The following GALNT18 variants were observed in gnomAD, a reference collection of about 807,000 sequenced individuals.
GALNT18 encodes polypeptide N-acetylgalactosaminyltransferase 18.
GALNT18 carries 44 observed loss-of-function variants against 69.5 expected under a neutral mutation model. The ratio of observed to expected loss-of-function variants is 0.63; its 90% CI spans 0.50 to 0.81. The LOEUF is 0.81. Ranked by LOEUF, GALNT18 falls within the 40% of genes least tolerant of loss-of-function variation. GALNT18 has a pLI of 0.00. For missense variants in GALNT18, 715 were observed against 810.0 expected, an observed-to-expected ratio of 0.88 and a Z score of 1.42; for synonymous variants, 364 against 318.2, an observed-to-expected ratio of 1.14 and a Z score of -1.53.
chr11:11,357,469 C>T (rs1378009808), intron 6 of GALNT18, among the ~76,000 whole-genome samples: 1 of 152,208 alleles, frequency 6.6e-6, no homozygotes, highest in East Asian at 1.9e-4. Flanking sequence ...TCAATCTCCA[C>T]CCACTCCCTC....
chr11:11,271,621 C>T (rs978735101), intron 10 of GALNT18, among the ~76,000 whole-genome samples: 1 of 152,218 alleles, frequency 6.6e-6, no homozygotes, highest in African/African-American at 2.4e-5. Flanking sequence ...GGTCCTTTCT[C>T]TGAAAAGCCT....
At chr11:11,462,535 C>T (rs1161420791) in intron 1 of GALNT18, among the ~76,000 whole-genome samples, 1 of 152,072 alleles carries the variant, frequency 6.6e-6, no homozygotes, top group Non-Finnish European at 1.5e-5. Flanking sequence ...TCAAGTGATC[C>T]ACCCGCCTCA....
chr11:11,438,914 T>A (rs1316497484), intron 2 of GALNT18, among the ~76,000 whole-genome samples: 1 of 152,152 alleles, frequency 6.6e-6, no homozygotes, highest in Admixed American at 6.5e-5. Context: ...TCCCGGTGAC[T>A]CCTTGCACCG....
intron 6 of GALNT18, among the ~76,000 whole-genome samples, chr11:11,344,303 C>T (rs1850262522): frequency 6.6e-6 from 1 of 152,122 alleles, no homozygotes; most frequent in Non-Finnish European, 1.5e-5. Flanking sequence ...ATGACGTACC[C>T]AACCCTGCCT....
At chr11:11,272,447 A>G (rs895483264) in intron 10 of GALNT18, among the ~76,000 whole-genome samples, 2 of 152,202 alleles carry the variant, frequency 1.3e-5, no homozygotes, top group Non-Finnish European at 2.9e-5. Flanking sequence ...TGTTTGGCCT[A>G]AAGGACAAAG....
chr11:11,297,514 G>C (rs1339935915), intron 9 of GALNT18, among the ~76,000 whole-genome samples: 1 of 152,132 alleles, frequency 6.6e-6, no homozygotes, highest in Non-Finnish European at 1.5e-5. Flanking sequence ...CACCTCCCTG[G>C]GGTCACTCCA....
rs530222503 is a variant in GALNT18, at chr11:11,473,947, C to T, written c.236-25011G>A. ...GGGTATATTGGTGCATGCCTGTAAT[C>T]CCAGCTACTTGGGAGGCTGGGGCAG... On this transcript the variant is annotated intron_variant, in intron 1 of 10. Coordinates refer to ENST00000227756, the MANE Select transcript of GALNT18 (RefSeq NM_198516.3). Among the ~76,000 whole-genome samples, 6 of 152,294 alleles carry T rather than the reference C, an allele frequency of 3.9e-5. No homozygotes were observed. The South Asian group carries it at 1.2e-3, about 32-fold the overall frequency.
rs1857896706 is a variant in GALNT18, at chr11:11,540,698, A to G, written c.235+80661T>C. 6.6e-6 allele frequency among the ~76,000 whole-genome samples: 1 copy of G among 152,130 alleles called. No homozygotes were observed. Among genetic ancestry groups the G allele is most frequent in the Non-Finnish European group, 1.5e-5 (1 of 68,032 alleles). On this transcript the variant is annotated intron_variant, in intron 1 of 10. Coordinates refer to ENST00000227756, the MANE Select transcript of GALNT18 (RefSeq NM_198516.3). The surrounding 1 kb of genome is among the most constrained non-coding windows in gnomAD (Gnocchi z 4.6). Reference sequence around the variant, plus strand: ...CTCTAATGAGATATGCACTTCAAAAAGGCACCCTCAACAAGCACTGAATGA... The same window carrying G: ...CTCTAATGAGATATGCACTTCAAAAGGGCACCCTCAACAAGCACTGAATGA...
intron 3 of GALNT18, among the ~76,000 whole-genome samples, chr11:11,400,526 C>T (rs891293268): frequency 2.0e-5 from 3 of 152,166 alleles, no homozygotes; most frequent in African/African-American, 7.2e-5. Context: ...ATACCATGGA[C>T]TGAGTGACTT....
At chr11:11,365,541 T>G (rs1850745983) in intron 6 of GALNT18, among the ~76,000 whole-genome samples, 2 of 152,206 alleles carry the variant, frequency 1.3e-5, no homozygotes, top group Admixed American at 1.3e-4. Flanking sequence ...CAAATGGTGT[T>G]TCTGGTTGTA....
At chr11:11,399,976 T>C (rs4910340) in intron 3 of GALNT18, among the ~76,000 whole-genome samples, 123,654 of 152,204 alleles carry the variant, frequency 0.81, 51,022 homozygotes, top group Non-Finnish European at 0.9. Flanking sequence ...TCTTCAAAAA[T>C]GAAGCTTTAT....
intron 8 of GALNT18, among the ~76,000 whole-genome samples, chr11:11,330,441 C>CT (rs1376283428): frequency 2.0e-5 from 3 of 152,196 alleles, no homozygotes; most frequent in Admixed American, 6.5e-5. Context: ...TCATTATGCT[C>CT]TTTGACAAGC....
chr11:11,425,592 A>G (rs1445137920), intron 3 of GALNT18, among the ~76,000 whole-genome samples: 3 of 152,234 alleles, frequency 2.0e-5, no homozygotes, highest in East Asian at 3.8e-4. Flanking sequence ...AAAAGGAAGC[A>G]GAAACTGACT....
intron 1 of GALNT18, among the ~76,000 whole-genome samples, chr11:11,512,712 G>A (rs765042411): frequency 2.0e-5 from 3 of 152,148 alleles, no homozygotes; most frequent in East Asian, 1.9e-4. Context: ...AAGGTGCTAC[G>A]GAGAGTCTGG....
chr11:11,306,235 A>G (rs373016988), intron 9 of GALNT18, among the ~76,000 whole-genome samples: 14 of 151,560 alleles, frequency 9.2e-5, no homozygotes, highest in African/African-American at 2.2e-4. Flanking sequence ...GTGTGTGTGT[A>G]TGTGTGTGTG....
intron 6 of GALNT18, among the ~76,000 whole-genome samples, chr11:11,363,455 A>T (rs1007066727): frequency 6.6e-6 from 1 of 152,220 alleles, no homozygotes; most frequent in Non-Finnish European, 1.5e-5. Context: ...ACCATTTATC[A>T]TATCATTGGT....
In GALNT18 at chr11:11,413,090, C is replaced by T. The variant is rs1249514429; in HGVS notation, c.595+19531G>A. Among the ~76,000 whole-genome samples, 1 of 152,214 alleles carries T rather than the reference C, an allele frequency of 6.6e-6. No homozygotes were observed. Among genetic ancestry groups the T allele is most frequent in the Non-Finnish European group, 1.5e-5 (1 of 68,036 alleles). Reference sequence around the variant, plus strand: ...CTTATTGGTGGTCTCCCTTCCTTGTCTTATCTCCCTACCCCACTGGCATAT... The same window carrying T: ...CTTATTGGTGGTCTCCCTTCCTTGTTTTATCTCCCTACCCCACTGGCATAT... On this transcript the variant is annotated intron_variant, in intron 3 of 10. Transcript: ENST00000227756. The surrounding 1 kb of genome is among the most constrained non-coding windows in gnomAD (Gnocchi z 4.7).
chr11:11,341,758 A>T lies in GALNT18; in HGVS notation c.1093-754T>A, dbSNP rs9888138. Reference sequence around the variant, plus strand: ...CTTTTGTGCTTCTAGGCTTTGCTCCATTCTGCTGGTAATTTTAGAATGCCC... The same window carrying T: ...CTTTTGTGCTTCTAGGCTTTGCTCCTTTCTGCTGGTAATTTTAGAATGCCC... On this transcript the variant is annotated intron_variant, in intron 6 of 10. Transcript: ENST00000227756. This position sits in a 1 kb window ranked among gnomAD's most constrained non-coding sequence, Gnocchi z 6.3. Among the ~76,000 whole-genome samples, 1 of 151,880 alleles carries T rather than the reference A, an allele frequency of 6.6e-6. No individual in the cohort carries two copies. The highest frequency in any genetic ancestry group is 1.5e-5 in the Non-Finnish European group (1 of 67,994).
At chr11:11,423,047 TATGC>T (rs1564941137) in intron 3 of GALNT18, among the ~76,000 whole-genome samples, 1 of 152,158 alleles carries the variant, frequency 6.6e-6, no homozygotes, top group Non-Finnish European at 1.5e-5. Flanking sequence ...ATATGCTGCT[TATGC>T]ATGCACACTA....
Sources: gnomAD v4.1 joint callset for allele counts (sites outside exome capture counted in the v4.1 genomes callset) on GRCh38, gnomAD v4.1.1 for gene constraint, Gnocchi (gnomAD v3.1) non-coding constraint, MANE v1.5 for transcripts, NCBI Gene and HGNC (gene_info 2026-07-23, HGNC 2026-07-21) for gene names.